Variants in SLC6A15 observed in about 807,000 individuals in gnomAD.
SLC6A15 encodes the protein solute carrier family 6 member 15, also known as sodium-dependent neutral amino acid transporter B(0)AT2.
In SLC6A15, 33 loss-of-function variants were observed where a neutral mutation model predicts 68.5. The observed-to-expected ratio is 0.48, with a 90% CI of 0.37 to 0.64. SLC6A15 has a LOEUF of 0.64. SLC6A15 is among the 30% of genes least tolerant of loss of function. The pLI is 0.00. For synonymous variants in SLC6A15, 347 were observed against 301.0 expected (o/e 1.15, Z -1.58); for missense variants, 747 against 874.3 (o/e 0.85, Z 1.84).
At chr12:84,902,493 T>C (rs1197884769) in intron 1 of SLC6A15, among the ~76,000 whole-genome samples, 2 of 151,730 alleles carry the variant, frequency 1.3e-5, no homozygotes, top group Non-Finnish European at 2.9e-5. Flanking sequence ...CCAGCAACTA[T>C]ATTTCAGAGA....
intron 10 of SLC6A15, among the ~76,000 whole-genome samples, chr12:84,865,851 T>A (rs1871041755): frequency 1.3e-5 from 2 of 152,208 alleles, no homozygotes; most frequent in Admixed American, 1.3e-4. Flanking sequence ...GGATATCTTG[T>A]TTGCCTCCAA....
At chr12:84,863,766 C>G (rs1281352036) in intron 10 of SLC6A15, among the ~76,000 whole-genome samples, 165 bp from the exon 11 acceptor site, 1 of 151,856 alleles carries the variant, frequency 6.6e-6, no homozygotes, top group South Asian at 2.1e-4. Context: ...TAAAATGAAG[C>G]CAGGTAAGTA....
chr12:84,873,444 T>C, intron 6 of SLC6A15, 116 bp from the exon 7 acceptor site: 1 of 1,179,290 alleles, frequency 8.5e-7, no homozygotes. Context: ...CCAAAGTTTA[T>C]TTAAATCGGG....
At chr12:84,862,548 A>T (rs1006588212) in intron 11 of SLC6A15, among the ~76,000 whole-genome samples, 1 of 152,174 alleles carries the variant, frequency 6.6e-6, no homozygotes, top group African/African-American at 2.4e-5. Context: ...ATTATTAACC[A>T]TAGGATAGTT....
rs1236357271 is a variant in SLC6A15, at chr12:84,876,517, G to A, written c.847C>T (p.Arg283Cys). The change falls in exon 6 of 12, where the codon CGC becomes TGC. Residue 283 changes from arginine (R) to cysteine (C), a missense_variant. Physicochemically the swap from Arg to Cys is radical, Grantham distance 180 (BLOSUM62 -3). Coordinates refer to ENST00000266682, the MANE Select transcript of SLC6A15 (RefSeq NM_182767.6). ...FLLNGSIDGI[R>C]HMFTPKLEIM... ...CATACCTTAGGGGTAAACATGTGGC[G>A]AATGCCATCAATTGAACCATTTAAA... 13 of 1,587,552 alleles carry A rather than the reference G, an allele frequency of 8.2e-6. No homozygotes were observed. The highest frequency in any genetic ancestry group is 5.8e-5 in the South Asian group (5 of 86,720).
intron 8 of SLC6A15, among the ~76,000 whole-genome samples, chr12:84,871,008 T>C (rs1405385341): frequency 2.6e-5 from 4 of 151,914 alleles, no homozygotes; most frequent in Non-Finnish European, 5.9e-5. Context: ...CTTATGAATA[T>C]GAATAGTGAC....
chr12:84,866,185 T>C (rs1004900365), intron 10 of SLC6A15, among the ~76,000 whole-genome samples: 11 of 152,190 alleles, frequency 7.2e-5, no homozygotes, highest in East Asian at 1.9e-4. Context: ...TACATAGGGC[T>C]GTAATGAGCT....
rs562553851 is a variant in SLC6A15 at position 84,890,009 on chromosome 12, C to T, written c.289+1823G>A. Among the ~76,000 whole-genome samples the T allele has an allele frequency of 3.3e-5, 5 of 152,108 alleles. No individual in the cohort carries two copies. The South Asian group carries it at 1.0e-3, about 32-fold the overall frequency. On this transcript the variant is annotated intron_variant, in intron 2 of 11. Transcript: ENST00000266682. ...GATTCATGAATAAGATTTTGATAGC[C>T]TGAGGCAGAGGACTATCTTCTGGTT...
chr12:84,899,721 C>G (rs192510444), intron 1 of SLC6A15, among the ~76,000 whole-genome samples: 156 of 152,216 alleles, frequency 1.0e-3, no homozygotes, highest in Non-Finnish European at 1.7e-3. Flanking sequence ...CATAAATACA[C>G]AAATATGTTG....
rs1450658850 is a variant in SLC6A15, at chr12:84,897,288, G to A, written c.-188-4980C>T. ...ACTGAAACTATATCTGAGGCATGGA[G>A]GACAGATGTAAAGAAAGTTCACAAA... On this transcript the variant is annotated intron_variant, in intron 1 of 11. Transcript: ENST00000266682. Among the ~76,000 whole-genome samples, 6 of 151,988 alleles carry A rather than the reference G, an allele frequency of 3.9e-5. No homozygotes were observed. The East Asian group carries it at 1.2e-3, about 29-fold the overall frequency.
At chr12:84,885,615 A>T in intron 3 of SLC6A15, 54 bp from the exon 4 acceptor site, 1 of 1,475,882 alleles carries the variant, frequency 6.8e-7, no homozygotes, top group Non-Finnish European at 9.2e-7. Context: ...CCATTAAAAG[A>T]ATGAGATCAA....
At chr12:84,863,746 G>A in intron 10 of SLC6A15, 145 bp from the exon 11 acceptor site, 1 of 508,956 alleles carries the variant, frequency 2.0e-6, no homozygotes. Context: ...CTTGGAAGAT[G>A]ACTATAAAGT....
At chr12:84,910,806 C>T (rs569783816) in intron 1 of SLC6A15, among the ~76,000 whole-genome samples, 1 of 152,254 alleles carries the variant, frequency 6.6e-6, no homozygotes, top group East Asian at 1.9e-4. Context: ...CCCTTCTGCC[C>T]GTACCTATAA....
intron 5 of SLC6A15, among the ~76,000 whole-genome samples, chr12:84,879,090 C>T (rs7955752): frequency 0.5 from 76,002 of 151,588 alleles, 22,525 homozygotes; most frequent in African/African-American, 0.79. Context: ...CATCAGTCAA[C>T]TTGCATATCA....
At chr12:84,884,743 A>T (rs553958733) in intron 4 of SLC6A15, among the ~76,000 whole-genome samples, 1 of 152,240 alleles carries the variant, frequency 6.6e-6, no homozygotes, top group African/African-American at 2.4e-5. Context: ...GCCAATCTAA[A>T]GTGACATGGG....
chr12:84,902,843 G>T (rs1235635818), intron 1 of SLC6A15, among the ~76,000 whole-genome samples: 2 of 152,092 alleles, frequency 1.3e-5, no homozygotes, highest in African/African-American at 2.4e-5. Flanking sequence ...AAGAGTTAGG[G>T]ATGGAGAGGG....
Position 84,869,322 on chromosome 12 carries a change from C to G in SLC6A15, c.1495+1156G>C, listed in dbSNP as rs368982910. ...AAAAAAATACAAAAAATTAGCCAAG[C>G]GTGTTGGCACGCGCCTGTAGTCCCA... On this transcript the variant is annotated intron_variant, in intron 9 of 11. Coordinates refer to ENST00000266682, the MANE Select transcript of SLC6A15 (RefSeq NM_182767.6). Among the ~76,000 whole-genome samples the G allele has an allele frequency of 1.9e-4, 29 of 152,016 alleles. 1 individual carries two copies. The East Asian group carries it at 4.1e-3, about 21-fold the overall frequency.
chr12:84,908,027 G>T (rs750895533), intron 1 of SLC6A15, among the ~76,000 whole-genome samples: 3 of 152,112 alleles, frequency 2.0e-5, no homozygotes, highest in Non-Finnish European at 2.9e-5. Flanking sequence ...AGGAGTTAAG[G>T]AGAGCCTGGG....
At chr12:84,871,881 G>C (rs144396413) in intron 8 of SLC6A15, among the ~76,000 whole-genome samples, 1 of 152,072 alleles carries the variant, frequency 6.6e-6, no homozygotes, top group Non-Finnish European at 1.5e-5. Context: ...GGTTGGGCAC[G>C]GTGGCTGAGG....
Sources: allele counts gnomAD v4.1 joint callset (sites outside exome capture counted in the v4.1 genomes callset), GRCh38; gene constraint gnomAD v4.1.1; transcripts MANE v1.5; gene names NCBI Gene and HGNC (gene_info 2026-07-23, HGNC 2026-07-21).